The following UST variants were observed in gnomAD, a reference collection of about 807,000 sequenced individuals.
UST encodes the protein chondroitin sulfate 2-O-sulfotransferase.
A neutral mutation model predicts 45.6 loss-of-function variants in UST; 21 were observed. The observed-to-expected ratio is 0.46, with a 90% CI of 0.33 to 0.66. The LOEUF is 0.66. Among genes scored for constraint, UST ranks in the 30% least tolerant of loss-of-function variants. The pLI is 0.02. For missense variants in UST, 463 were observed against 512.4 expected (o/e 0.90, Z 0.93); for synonymous variants, 215 against 200.6 (o/e 1.07, Z -0.61).
At chr6:148,846,592 TATA>T (rs534663844) in intron 1 of UST, among the ~76,000 whole-genome samples, 2 of 151,424 alleles carry the variant, frequency 1.3e-5, no homozygotes, top group Admixed American at 6.6e-5. Context: ...AAACTTAAAG[TATA>T]ATAATAATAA....
chr6:148,875,328 G>A (rs1464951058), intron 1 of UST, among the ~76,000 whole-genome samples: 1 of 152,160 alleles, frequency 6.6e-6, no homozygotes, highest in Non-Finnish European at 1.5e-5. Context: ...ATTGTTAAGT[G>A]TAGTTCAGAT....
At chr6:148,747,826 C>T in intron 1 of UST, 149 bp downstream of exon 1, 2 of 1,100,798 alleles carry the variant, frequency 1.8e-6, no homozygotes, top group Non-Finnish European at 2.4e-6. Flanking sequence ...GCATCTGTGC[C>T]GCGGTCGGGA....
rs767844306 is a variant in UST, at chr6:148,925,919, A to C, written c.292-15360A>C. Among the ~76,000 whole-genome samples, 17 of 152,368 alleles carry C rather than the reference A, an allele frequency of 1.1e-4. 1 individual carries two copies. The Middle Eastern group carries it at 0.014, about 122-fold the overall frequency. ...TGTTTTAAGTAGACCACATACATTC[A>C]CAGAAGGGAACTTTACCGTGACCTA... On this transcript the variant is annotated intron_variant, in intron 2 of 7. Coordinates refer to ENST00000367463, the MANE Select transcript of UST (RefSeq NM_005715.3).
At chr6:148,858,122 T>C (rs925959118) in intron 1 of UST, among the ~76,000 whole-genome samples, 2 of 152,160 alleles carry the variant, frequency 1.3e-5, no homozygotes, top group African/African-American at 4.8e-5. Context: ...GATGTATATA[T>C]GAAGGGAGTT....
chr6:148,776,455 A>C (rs1776536850), intron 1 of UST, among the ~76,000 whole-genome samples: 1 of 152,184 alleles, frequency 6.6e-6, no homozygotes, highest in South Asian at 2.1e-4. Flanking sequence ...TATTGTGATG[A>C]CCAGTTTTGT....
At chr6:148,803,984 C>T (rs189793232) in intron 1 of UST, among the ~76,000 whole-genome samples, 11 of 152,280 alleles carry the variant, frequency 7.2e-5, no homozygotes, top group East Asian at 3.9e-4. Context: ...GCACTTCGTG[C>T]GGCCAGAGAA....
rs536675862 is a variant in UST at position 148,796,386 on chromosome 6, G to A, written c.247+48709G>A. Reference sequence around the variant, plus strand: ...GCTGGAAGGGAATCCCAGCATTTGGGAGGCTGAGGCAGGCAGATCACAAGG... The same window carrying A: ...GCTGGAAGGGAATCCCAGCATTTGGAAGGCTGAGGCAGGCAGATCACAAGG... On this transcript the variant is annotated intron_variant, in intron 1 of 7. Coordinates refer to ENST00000367463, the MANE Select transcript of UST (RefSeq NM_005715.3). 7.8e-4 allele frequency among the ~76,000 whole-genome samples: 119 copies of A among 152,184 alleles called. 1 individual carries two copies. In the Middle Eastern group the frequency reaches 0.024, roughly 31 times the overall value.
chr6:148,918,329 C>T (rs1464064258), intron 2 of UST, among the ~76,000 whole-genome samples: 4 of 152,156 alleles, frequency 2.6e-5, no homozygotes, highest in Non-Finnish European at 2.9e-5. Flanking sequence ...CATTTTTATC[C>T]GGTCTTACAT....
chr6:148,751,764 A>C (rs1354739897), intron 1 of UST, among the ~76,000 whole-genome samples: 1 of 152,156 alleles, frequency 6.6e-6, no homozygotes, highest in Non-Finnish European at 1.5e-5. Flanking sequence ...TGGCATTCAA[A>C]CTTTGTTTTG....
At chr6:148,963,714 G>A (rs1780717164) in intron 4 of UST, among the ~76,000 whole-genome samples, 1 of 152,172 alleles carries the variant, frequency 6.6e-6, no homozygotes, top group Non-Finnish European at 1.5e-5. Flanking sequence ...CAGATTGCCT[G>A]GACCCATATC....
chr6:149,042,877 C>A (rs987082121), intron 7 of UST, among the ~76,000 whole-genome samples: 4 of 152,090 alleles, frequency 2.6e-5, no homozygotes, highest in African/African-American at 9.7e-5. Flanking sequence ...TCCTTGGTCT[C>A]CCAAAGTGCT....
At chr6:148,797,765 G>T (rs1776980709) in intron 1 of UST, among the ~76,000 whole-genome samples, 1 of 152,142 alleles carries the variant, frequency 6.6e-6, no homozygotes, top group Non-Finnish European at 1.5e-5. Flanking sequence ...GGGAAGGAAG[G>T]CAGTTCAGAC....
At chr6:148,847,894 A>C (rs990625469) in intron 1 of UST, among the ~76,000 whole-genome samples, 2 of 152,244 alleles carry the variant, frequency 1.3e-5, no homozygotes, top group African/African-American at 4.8e-5. Flanking sequence ...GGGTTCATTC[A>C]GTGCAGATGA....
intron 2 of UST, among the ~76,000 whole-genome samples, chr6:148,938,985 CACACA>C (rs1371602440): frequency 6.6e-6 from 1 of 151,828 alleles, no homozygotes; most frequent in Non-Finnish European, 1.5e-5. Flanking sequence ...CTAAAGAATC[CACACA>C]AAAAAACTAT....
chr6:148,852,110 C>T (rs921154316), intron 1 of UST, among the ~76,000 whole-genome samples: 4 of 152,184 alleles, frequency 2.6e-5, no homozygotes, highest in African/African-American at 7.2e-5. Flanking sequence ...CCAGAAAAGG[C>T]GTTTTTACCT....
At position 149,019,342 on chromosome 6, in the gene UST, C is replaced by T. The variant is rs1582962356; in HGVS notation, c.779+106C>T. ...TCTTTTGTATCCCTAGTCTCTCAAC[C>T]TTCTGGAATTCAGTTCCTGTTTACT... On this transcript the variant is annotated intron_variant, in intron 6 of 7. Coordinates refer to ENST00000367463, the MANE Select transcript of UST (RefSeq NM_005715.3). 29 of 806,580 alleles carry T rather than the reference C, an allele frequency of 3.6e-5. 1 individual carries two copies. The South Asian group carries it at 4.0e-4, about 11-fold the overall frequency. 50.0% of individuals were successfully genotyped at this position (806,580 alleles called of 1,614,324 possible). A position where few individuals can be genotyped will look rare whatever the true frequency, so the allele number is the denominator to read the frequency against.
chr6:149,019,317 T>C (rs1053423701), intron 6 of UST, 81 bp downstream of exon 6: 1 of 1,011,110 alleles, frequency 9.9e-7, no homozygotes, highest in South Asian at 1.3e-5. Context: ...TCGGTGGGAA[T>C]CTTTTGTATC....
chr6:148,865,382 C>G (rs1778405608), intron 1 of UST, among the ~76,000 whole-genome samples: 1 of 152,190 alleles, frequency 6.6e-6, no homozygotes, highest in Non-Finnish European at 1.5e-5. Flanking sequence ...AGACTCCCCA[C>G]AGAAATGAAT....
chr6:148,873,251 G>A (rs1778591041), intron 1 of UST, among the ~76,000 whole-genome samples: 1 of 152,094 alleles, frequency 6.6e-6, no homozygotes. Context: ...TAGCTAACCG[G>A]GACCAGGAAA....
Sources: gnomAD v4.1 joint callset for allele counts (sites outside exome capture counted in the v4.1 genomes callset) on GRCh38, gnomAD v4.1.1 for gene constraint, MANE v1.5 for transcripts, NCBI Gene and HGNC (gene_info 2026-07-23, HGNC 2026-07-21) for gene names.